ZNF536: variants seen among roughly 807,000 people sequenced by gnomAD.
ZNF536 encodes the protein zinc finger protein 536.
A neutral mutation model predicts 84.5 loss-of-function variants in ZNF536; 13 were observed. The ratio of observed to expected loss-of-function variants is 0.15; its 90% CI spans 0.10 to 0.24. The LOEUF is 0.24. ZNF536 is among the 10% of genes least tolerant of loss of function. The probability of loss-of-function intolerance (pLI) is 1.00; values close to 1 mark genes in which losing one functional copy is unlikely to be tolerated. For missense variants in ZNF536, 1,536 were observed against 1,747.5 expected, an observed-to-expected ratio of 0.88 and a Z score of 2.16; for synonymous variants, 811 against 742.5, an observed-to-expected ratio of 1.09 and a Z score of -1.50.
At chr19:30,484,664 TTTCTTCTTC>T (rs149796898) in intron 2 of ZNF536, among the ~76,000 whole-genome samples, 3 of 146,688 alleles carry the variant, frequency 2.0e-5, no homozygotes, top group South Asian at 4.3e-4. Context: ...CACTTTCTTT[TTTCTTCTTC>T]TTCTTCTTCT....
rs968094364 is a variant in ZNF536 at position 30,322,792 on chromosome 19, C to G, written c.-119-29576C>G. 3.4e-4 allele frequency among the ~76,000 whole-genome samples: 51 copies of G among 151,988 alleles called. 1 individual carries two copies. Among genetic ancestry groups the G allele is most frequent in the Admixed American group, 3.2e-3 (49 of 15,278 alleles). On this transcript the variant is annotated intron_variant, in intron 2 of 5. Transcript: ENST00000585628. ...GCCCACCGAGCCCCTTACTCTCACT[C>G]CTAGTGGGGGCCTCAGATGGCCTGC...
intron 2 of ZNF536, among the ~76,000 whole-genome samples, chr19:30,335,393 A>C (rs1704899361): frequency 6.6e-6 from 1 of 152,078 alleles, no homozygotes; most frequent in African/African-American, 2.4e-5. Flanking sequence ...AGCCACCCCC[A>C]GCCTGGTACA....
intron 2 of ZNF536, among the ~76,000 whole-genome samples, chr19:30,521,007 G>T (rs1303549301): frequency 6.6e-6 from 1 of 152,210 alleles, no homozygotes; most frequent in African/African-American, 2.4e-5. Context: ...ATGCAGCTTT[G>T]CAAGCCCATT....
intron 1 of ZNF536, among the ~76,000 whole-genome samples, chr19:30,429,409 GA>G (rs956112598): frequency 2.6e-5 from 4 of 152,136 alleles, no homozygotes; most frequent in African/African-American, 9.7e-5. Context: ...AGTGAACTGA[GA>G]TCAGGGAGAG....
chr19:30,375,079 G>A (rs1172438983), intron 1 of ZNF536, among the ~76,000 whole-genome samples: 1 of 151,728 alleles, frequency 6.6e-6, no homozygotes, highest in Non-Finnish European at 1.5e-5. Context: ...AAGACGGTGG[G>A]AGTAACAAAG....
chr19:30,637,792 A>C (rs1489072167), intron 1 of ZNF536, among the ~76,000 whole-genome samples: 2 of 152,192 alleles, frequency 1.3e-5, no homozygotes, highest in Non-Finnish European at 2.9e-5. Flanking sequence ...TGGTACATAA[A>C]CATTGATTGA....
At chr19:30,318,137 A>G (rs1364955967) in intron 2 of ZNF536, among the ~76,000 whole-genome samples, 2 of 152,132 alleles carry the variant, frequency 1.3e-5, no homozygotes, top group Non-Finnish European at 2.9e-5. Flanking sequence ...TAAAATGATA[A>G]AACCATCTTG....
chr19:30,669,393 C>T (rs1455885691), intron 1 of ZNF536, among the ~76,000 whole-genome samples: 2 of 152,252 alleles, frequency 1.3e-5, no homozygotes, highest in Non-Finnish European at 2.9e-5. Context: ...CCATCCCTCA[C>T]ACACTCCCTT....
chr19:30,376,682 T>A (rs1345313153), intron 1 of ZNF536, among the ~76,000 whole-genome samples: 2 of 152,166 alleles, frequency 1.3e-5, no homozygotes, highest in African/African-American at 4.8e-5. Context: ...CTGGAGGCAC[T>A]TTTTTCCTGT....
chr19:30,496,688 G>A (rs1470620790), intron 2 of ZNF536, among the ~76,000 whole-genome samples: 2 of 152,124 alleles, frequency 1.3e-5, no homozygotes, highest in Non-Finnish European at 2.9e-5. Flanking sequence ...AGAGATGGGG[G>A]GGTTTGGGCA....
At chr19:30,500,862 C>T (rs552808832) in intron 2 of ZNF536, among the ~76,000 whole-genome samples, 99 of 152,248 alleles carry the variant, frequency 6.5e-4, no homozygotes, top group Non-Finnish European at 2.9e-4. Flanking sequence ...GCAGTGCTAC[C>T]TCCTGGCTTT....
chr19:30,435,612 C>T (rs958880857), intron 1 of ZNF536, among the ~76,000 whole-genome samples: 2 of 151,820 alleles, frequency 1.3e-5, no homozygotes, highest in South Asian at 2.1e-4. Flanking sequence ...TGGTGATGCT[C>T]TTGCTGCTGC....
chr19:30,312,785 G>A (rs1244749900), intron 2 of ZNF536, among the ~76,000 whole-genome samples: 2 of 152,296 alleles, frequency 1.3e-5, no homozygotes, highest in South Asian at 2.1e-4. Flanking sequence ...TGCCTCGGGC[G>A]GCCTAGTGGG....
chr19:30,388,641 CTAA>C (rs1040403156), intron 1 of ZNF536, among the ~76,000 whole-genome samples: 5 of 152,226 alleles, frequency 3.3e-5, no homozygotes, highest in African/African-American at 9.6e-5. Flanking sequence ...TGTTGTAGGT[CTAA>C]ACCCTCACGG....
intron 3 of ZNF536, among the ~76,000 whole-genome samples, chr19:30,366,071 C>T (rs559087079): frequency 1.3e-3 from 192 of 152,264 alleles, no homozygotes; most frequent in African/African-American, 4.4e-3. Flanking sequence ...TCACCCCCGC[C>T]GAACCCCTGA....
chr19:30,328,188 C>G (rs1056372519), intron 2 of ZNF536, among the ~76,000 whole-genome samples: 2 of 152,046 alleles, frequency 1.3e-5, no homozygotes, highest in African/African-American at 4.8e-5. Context: ...GCAGAACTCC[C>G]CAGGGGAGGT....
At chr19:30,671,304 T>G (rs1218259569) in intron 1 of ZNF536, among the ~76,000 whole-genome samples, 1 of 152,168 alleles carries the variant, frequency 6.6e-6, no homozygotes, top group Non-Finnish European at 1.5e-5. Context: ...CGTGACATAG[T>G]TGGGGGCTTC....
intron 2 of ZNF536, among the ~76,000 whole-genome samples, chr19:30,450,419 C>T (rs2052549405): frequency 1.3e-5 from 2 of 152,168 alleles, no homozygotes; most frequent in Non-Finnish European, 2.9e-5. Flanking sequence ...GGAAAACTGC[C>T]GGAGCAGGCT....
At chr19:30,269,990 C>A (rs975087567) in intron 1 of ZNF536, among the ~76,000 whole-genome samples, 5 of 152,174 alleles carry the variant, frequency 3.3e-5, no homozygotes, top group Non-Finnish European at 7.3e-5. Flanking sequence ...TGAACTAACT[C>A]ATCCAATCAG....
Sources: allele counts gnomAD v4.1 joint callset (sites outside exome capture counted in the v4.1 genomes callset), GRCh38; gene constraint gnomAD v4.1.1; transcripts MANE v1.5; gene names NCBI Gene and HGNC (gene_info 2026-07-23, HGNC 2026-07-21).